The following SHOC2 variants were observed in gnomAD, a reference collection of about 807,000 sequenced individuals.
The protein encoded by SHOC2 is leucine-rich repeat protein SHOC-2.
A neutral mutation model predicts 50.2 loss-of-function variants in SHOC2; 4 were observed. The observed-to-expected ratio is 0.08, with a 90% CI of 0.04 to 0.18. The LOEUF is 0.18. SHOC2 is among the 10% of genes least tolerant of loss of function. SHOC2 has a pLI of 1.00. For synonymous variants in SHOC2, 218 were observed against 244.5 expected (o/e 0.89, Z 1.01); for missense variants, 388 against 669.6 (o/e 0.58, Z 4.64).
At chr10:111,001,150 T>G (rs989837749) in intron 4 of SHOC2, among the ~76,000 whole-genome samples, 2 of 143,802 alleles carry the variant, frequency 1.4e-5, no homozygotes, top group Non-Finnish European at 3.0e-5. Context: ...TTGGGTAAGA[T>G]ATAATACTTT....
At chr10:110,922,398 G>T (rs1025347928) in intron 1 of SHOC2, among the ~76,000 whole-genome samples, 5 of 151,984 alleles carry the variant, frequency 3.3e-5, no homozygotes, top group Non-Finnish European at 4.4e-5. Context: ...TTAAAAATAT[G>T]CTCATTTTCA....
intron 1 of SHOC2, among the ~76,000 whole-genome samples, chr10:110,947,911 C>G (rs1204506831): frequency 2.0e-5 from 3 of 151,998 alleles, no homozygotes; most frequent in Admixed American, 2.0e-4. Context: ...GGATTAAGTT[C>G]TCTAATCAAA....
intron 6 of SHOC2, among the ~76,000 whole-genome samples, chr10:111,008,690 T>A (rs1380743477): frequency 6.6e-6 from 1 of 152,138 alleles, no homozygotes; most frequent in East Asian, 1.9e-4. Flanking sequence ...CATAAAAACT[T>A]ACCCAGAACC....
intron 1 of SHOC2, chr10:110,936,784 G>A (rs750924456): frequency 8.4e-6 from 9 of 1,065,980 alleles, no homozygotes; most frequent in Non-Finnish European, 1.1e-5. Context: ...CTGTCACTGC[G>A]TGGTACTTCC....
chr10:110,925,099 TAAAA>T (rs1846739823), intron 1 of SHOC2, among the ~76,000 whole-genome samples: 1 of 135,708 alleles, frequency 7.4e-6, no homozygotes, highest in Non-Finnish European at 1.6e-5. Context: ...AAAATTAAAA[TAAAA>T]AGCAATACTT....
chr10:111,006,190 A>G (rs1848463091), intron 5 of SHOC2, among the ~76,000 whole-genome samples: 1 of 151,992 alleles, frequency 6.6e-6, no homozygotes, highest in South Asian at 2.1e-4. Flanking sequence ...AAATCATACT[A>G]TAAGTGTCAG....
chr10:110,998,250 C>T (rs1344654526), intron 3 of SHOC2, among the ~76,000 whole-genome samples: 3 of 152,034 alleles, frequency 2.0e-5, no homozygotes, highest in Admixed American at 6.6e-5. Context: ...CCGCTTGCCT[C>T]GACCTCCCAA....
At chr10:110,934,069 G>A (rs1326081701) in intron 1 of SHOC2, among the ~76,000 whole-genome samples, 2 of 152,272 alleles carry the variant, frequency 1.3e-5, no homozygotes, top group South Asian at 2.1e-4. Flanking sequence ...ATTTGCATAC[G>A]TCAGATTGAT....
Position 110,942,717 on chromosome 10 carries a change from C to T in SHOC2, c.-234-21408C>T, listed in dbSNP as rs541338116. On this transcript the variant is annotated intron_variant, in intron 1 of 8. Transcript: ENST00000369452. ...ATTACTTTCTAGTGTCCTTCCATTTCAACCCAAAGTACTCACTTTATTTCT... is the reference window on the plus strand; with the variant it reads ...ATTACTTTCTAGTGTCCTTCCATTTTAACCCAAAGTACTCACTTTATTTCT... Among the ~76,000 whole-genome samples, 63 of 152,348 alleles carry T rather than the reference C, an allele frequency of 4.1e-4. 1 individual carries two copies. The South Asian group carries it at 0.012, about 29-fold the overall frequency.
Position 110,964,587 on chromosome 10 carries a change from C to G in SHOC2, c.229C>G (p.Pro77Ala). ...SVDNTIKRPN[P>A]APGTRKKSSN... ...TGACAATACGATCAAACGGCCAAAC[C>G]CAGCACCTGGGACTAGAAAAAAATC... Residue 77 changes from proline (P) to alanine (A), a missense_variant, in exon 2 of 9, where the codon CCA becomes GCA. Physicochemically the swap from Pro to Ala is conservative, Grantham distance 27. Coordinates refer to ENST00000369452, the MANE Select transcript of SHOC2 (RefSeq NM_007373.4). The surrounding 1 kb of genome is among the most constrained non-coding windows in gnomAD (Gnocchi z 4.9). 1 of 1,614,040 alleles carries G rather than the reference C, an allele frequency of 6.2e-7. No individual in the cohort carries two copies. Among genetic ancestry groups the G allele is most frequent in the Non-Finnish European group, 8.5e-7 (1 of 1,179,974 alleles).
intron 3 of SHOC2, among the ~76,000 whole-genome samples, chr10:110,991,985 T>G (rs1848193873): frequency 6.6e-6 from 1 of 152,228 alleles, no homozygotes; most frequent in Non-Finnish European, 1.5e-5. Context: ...TAAAGAATCT[T>G]GCCCTAAACT....
At chr10:110,985,862 A>T in intron 3 of SHOC2, 97 bp downstream of exon 3, 1 of 1,006,606 alleles carries the variant, frequency 9.9e-7, no homozygotes, top group Non-Finnish European at 1.6e-6. Flanking sequence ...ATTCAGGAGT[A>T]AAATTCACAA....
intron 2 of SHOC2, among the ~76,000 whole-genome samples, chr10:110,967,032 C>T (rs886962186): frequency 6.6e-6 from 1 of 151,940 alleles, no homozygotes; most frequent in Admixed American, 6.6e-5. Context: ...TTATAGGGAA[C>T]AAGAAAATAA....
chr10:110,936,463 T>C (rs1051388682), intron 1 of SHOC2, among the ~76,000 whole-genome samples: 1 of 152,076 alleles, frequency 6.6e-6, no homozygotes, highest in Admixed American at 6.6e-5. Flanking sequence ...TAGTAATGTT[T>C]TTTGCGTAGA....
chr10:110,952,107 A>G (rs370179516), intron 1 of SHOC2, among the ~76,000 whole-genome samples: 4 of 151,216 alleles, frequency 2.6e-5, no homozygotes, highest in African/African-American at 9.8e-5. Context: ...ACACTAGTTA[A>G]CCTTAATTTT....
At chr10:110,931,594 A>G (rs190368109) in intron 1 of SHOC2, among the ~76,000 whole-genome samples, 100 of 152,262 alleles carry the variant, frequency 6.6e-4, no homozygotes, top group Non-Finnish European at 1.1e-3. Flanking sequence ...TCAAAATTTG[A>G]GTGACCTGGA....
chr10:110,931,825 TAA>T (rs1324824029), intron 1 of SHOC2, among the ~76,000 whole-genome samples: 2 of 152,154 alleles, frequency 1.3e-5, no homozygotes, highest in African/African-American at 2.4e-5. Flanking sequence ...TCAATAAATA[TAA>T]GTGTTATATG....
At chr10:110,959,457 G>A (rs1234109385) in intron 1 of SHOC2, among the ~76,000 whole-genome samples, 1 of 152,182 alleles carries the variant, frequency 6.6e-6, no homozygotes, top group Admixed American at 6.5e-5. Flanking sequence ...TTAAATGCCA[G>A]TAGCATTTCT....
chr10:110,965,668 T>A (rs1467638834), intron 2 of SHOC2, among the ~76,000 whole-genome samples: 1 of 152,166 alleles, frequency 6.6e-6, no homozygotes, highest in Admixed American at 6.6e-5. Flanking sequence ...CTGTTACCAT[T>A]TTGCTAATTT....
Sources: allele counts gnomAD v4.1 joint callset (sites outside exome capture counted in the v4.1 genomes callset), GRCh38; gene constraint gnomAD v4.1.1; non-coding constraint Gnocchi (gnomAD v3.1); transcripts MANE v1.5; gene names NCBI Gene and HGNC (gene_info 2026-07-23, HGNC 2026-07-21).